RP1: variants seen among roughly 807,000 people sequenced by gnomAD.
RP1 encodes oxygen-regulated protein 1.
A neutral mutation model predicts 14.8 loss-of-function variants in RP1; 16 were observed. The ratio of observed to expected loss-of-function variants is 1.08; its 90% CI spans 0.73 to 1.65. The LOEUF (loss-of-function observed/expected upper bound fraction) is 1.65, where lower values mean the gene tolerates loss of function less well. Ranked by LOEUF, RP1 falls within the 40% of genes most tolerant of loss-of-function variation. The pLI, the probability that RP1 is intolerant of heterozygous loss-of-function variation, is 0.00. For missense variants in RP1, 2,631 were observed against 2,535.0 expected (o/e 1.04, Z -0.81); for synonymous variants, 876 against 883.6 (o/e 0.99, Z 0.15).
chr8:54,714,354 G>C (rs1808354771), intron 15 of RP1, among the ~76,000 whole-genome samples: 1 of 152,196 alleles, frequency 6.6e-6, no homozygotes, highest in Admixed American at 6.5e-5. Flanking sequence ...TGGCTCAGGA[G>C]TCATGCAGCC....
At chr8:54,761,768 A>G (rs936332412) in intron 22 of RP1, among the ~76,000 whole-genome samples, 50 of 152,322 alleles carry the variant, frequency 3.3e-4, no homozygotes, top group African/African-American at 1.1e-3. Context: ...GTGCTCATTC[A>G]TGTAATACCC....
chr8:54,744,526 T>C (rs1398273143), intron 19 of RP1, among the ~76,000 whole-genome samples: 2 of 152,262 alleles, frequency 1.3e-5, no homozygotes, highest in Non-Finnish European at 2.9e-5. Flanking sequence ...GACTGGAATT[T>C]GTCAGACACA....
chr8:54,621,087 T>C lies in RP1; in HGVS notation c.121T>C (p.Tyr41His), dbSNP rs746359399. Reference protein sequence around the residue: ...HPVVAKRISFYKSGDPQFGGV... With the variant: ...HPVVAKRISFHKSGDPQFGGV... ...TGTTGTGGCCAAGCGAATCAGTTTC[T>C]ACAAGAGCGGAGACCCCCAATTCGG... The change falls in exon 2 of 4, where the codon TAC becomes CAC. Residue 41 changes from tyrosine to histidine, a missense_variant. Physicochemically the swap from Tyr to His is moderately conservative, Grantham distance 83 (BLOSUM62 2). Transcript: ENST00000220676. 41 of 1,614,030 alleles carry C rather than the reference T, an allele frequency of 2.5e-5. No homozygotes were observed. Among genetic ancestry groups the C allele is most frequent in the Non-Finnish European group, 5.9e-6 (7 of 1,180,028 alleles).
intron 22 of RP1, among the ~76,000 whole-genome samples, chr8:54,763,011 C>G (rs1809678363): frequency 6.6e-6 from 1 of 152,134 alleles, no homozygotes; most frequent in Non-Finnish European, 1.5e-5. Flanking sequence ...ATTACATACC[C>G]TATTTCCAAA....
chr8:54,561,950 A>G (rs952974827), intron 1 of RP1: 3 of 152,242 alleles, frequency 2.0e-5, no homozygotes, highest in Admixed American at 6.5e-5. Context: ...TTGAGAAGGT[A>G]TTTCAAATTT....
In RP1 at chr8:54,621,113, C is replaced by G; in HGVS notation, c.147C>G (p.Gly49=). The change falls in exon 2 of 4, where the codon GGC becomes GGG. Residue 49 remains glycine (G), a synonymous_variant. Coordinates refer to ENST00000220676, the MANE Select transcript of RP1 (RefSeq NM_006269.2). ...ACAAGAGCGGAGACCCCCAATTCGG[C>G]GGGGTCAGGGTGGTGGTCAACCCTC... is the stretch of plus-strand genomic sequence containing the variant. ...SFYKSGDPQF[G]GVRVVVNPRS... is the part of the protein sequence containing the mutation. The G allele has an allele frequency of 6.2e-7, 1 of 1,614,136 alleles. No individual in the cohort carries two copies. The highest frequency in any genetic ancestry group is 2.2e-5 in the East Asian group (1 of 44,874).
At chr8:54,791,883 G>C (rs968404638) in intron 24 of RP1, among the ~76,000 whole-genome samples, 1 of 151,860 alleles carries the variant, frequency 6.6e-6, no homozygotes, top group Non-Finnish European at 1.5e-5. Flanking sequence ...AAATATAAAT[G>C]GATTAAATTA....
rs560186481 is a variant in RP1, at chr8:54,696,768, C to A, written c.1718-2699C>A. The A allele has an allele frequency of 2.3e-4, 166 of 721,716 alleles. 4 individuals are homozygous for A. In the South Asian group the frequency reaches 2.4e-3, roughly 10 times the overall value. 44.7% of individuals were successfully genotyped at this position (721,716 alleles called of 1,614,324 possible). A position where few individuals can be genotyped will look rare whatever the true frequency, so the allele number is the denominator to read the frequency against. On this transcript the variant is annotated intron_variant, in intron 12 of 22. Transcript: ENST00000636932. Reference sequence around the variant, plus strand: ...TTTAGTGGTGTCTTGGTAAAAGTCACCCCCCAGAACCTAAAAATGCCACGT... The same window carrying A: ...TTTAGTGGTGTCTTGGTAAAAGTCAACCCCCAGAACCTAAAAATGCCACGT...
chr8:54,631,275 T>C (rs79306685), downstream of RP1, among the ~76,000 whole-genome samples: 260 of 152,266 alleles, frequency 1.7e-3, no homozygotes, highest in African/African-American at 5.9e-3. Context: ...CTATGTAGAG[T>C]ATGCTTTTTA....
At chr8:54,663,205 G>A (rs551035782) in intron 6 of RP1, among the ~76,000 whole-genome samples, 4 of 151,938 alleles carry the variant, frequency 2.6e-5, no homozygotes, top group East Asian at 1.9e-4. Flanking sequence ...TTATTGTATC[G>A]ACTGTCACAG....
In RP1 at chr8:54,621,667, C is replaced by CG. The variant is rs368749564; in HGVS notation, c.615+89dup. On this transcript the variant is annotated intron_variant, in intron 2 of 3. Transcript: ENST00000220676. ...CGTGTGGGATATGAATGGTGGCCCC[C>CG]GGGAAGGAAATCTTCCTTCCTCCCT... The CG allele has an allele frequency of 1.1e-5, 18 of 1,591,890 alleles. No homozygotes were observed. In the African/African-American group the frequency reaches 2.4e-4, roughly 21 times the overall value.
chr8:54,792,499 A>T (rs1810489065), intron 24 of RP1, among the ~76,000 whole-genome samples: 2 of 151,996 alleles, frequency 1.3e-5, no homozygotes, highest in South Asian at 4.1e-4. Flanking sequence ...TTGAAATTAC[A>T]TCAAGTATCT....
At position 54,783,463 on chromosome 8, in the gene RP1, T is replaced by C. The variant is rs1287141119; in HGVS notation, c.3452-84T>C. 8.1e-6 allele frequency: 5 copies of C among 617,922 alleles called. No homozygotes were observed. In the South Asian group the frequency reaches 2.6e-4, roughly 32 times the overall value. 38.3% of individuals were successfully genotyped at this position (617,922 alleles called of 1,614,324 possible). ...ACGAACTATTCATTTCATAACCAAG[T>C]AGATTAAGTAGAAATCCTTATTTTC... is the stretch of plus-strand genomic sequence containing the variant. On this transcript the variant is annotated intron_variant, in intron 23 of 28. Coordinates refer to the RP1 transcript ENST00000637698.
chr8:54,808,741 A>C (rs917165205), intron 24 of RP1, among the ~76,000 whole-genome samples: 3 of 152,216 alleles, frequency 2.0e-5, no homozygotes, highest in African/African-American at 4.8e-5. Flanking sequence ...TAATCTCATA[A>C]AATTTGGAAG....
chr8:54,807,433 T>C (rs1563382087), intron 24 of RP1, among the ~76,000 whole-genome samples: 2 of 152,250 alleles, frequency 1.3e-5, no homozygotes, highest in Non-Finnish European at 2.9e-5. Flanking sequence ...CACTAGATCC[T>C]TTCACTCTTT....
rs529649469 is a variant in RP1 at position 54,731,544 on chromosome 8, T to A, written c.2522-3001T>A. Among the ~76,000 whole-genome samples, 9 of 152,300 alleles carry A rather than the reference T, an allele frequency of 5.9e-5. No individual in the cohort carries two copies. The South Asian group carries it at 1.7e-3, about 28-fold the overall frequency. ...TCATGGTATTACATGGTGTTCATAT[T>A]TAATTGATAACAGTACAAACTTTAA... On this transcript the variant is annotated intron_variant, in intron 17 of 22. Transcript: ENST00000636932.
intron 1 of RP1, among the ~76,000 whole-genome samples, chr8:54,592,708 C>A (rs1805066765): frequency 6.6e-6 from 1 of 152,070 alleles, no homozygotes; most frequent in African/African-American, 2.4e-5. Flanking sequence ...TAAATTAGTC[C>A]AGTTGCTCAC....
At chr8:54,859,234 G>T (rs920580071) in intron 27 of RP1, among the ~76,000 whole-genome samples, 9 of 151,808 alleles carry the variant, frequency 5.9e-5, no homozygotes, top group Admixed American at 3.3e-4. Flanking sequence ...CTGTAGAGGG[G>T]TGTCACTGTA....
intron 6 of RP1, chr8:54,656,245 G>T: frequency 6.6e-7 from 1 of 1,522,204 alleles, no homozygotes; most frequent in Non-Finnish European, 8.8e-7. Context: ...AGGTAGCATG[G>T]ATAAAACTTG....
Sources: gnomAD v4.1 joint callset for allele counts (sites outside exome capture counted in the v4.1 genomes callset) on GRCh38, gnomAD v4.1.1 for gene constraint, MANE v1.5 for transcripts, NCBI Gene and HGNC (gene_info 2026-07-23, HGNC 2026-07-21) for gene names.